Variants in POLD1 observed in about 807,000 individuals in gnomAD.
POLD1 encodes the protein DNA polymerase delta catalytic subunit.
Under a neutral mutation model 129.7 loss-of-function variants are expected in POLD1, and 79 were observed. The ratio of observed to expected loss-of-function variants is 0.61; its 90% CI spans 0.51 to 0.73. The LOEUF (loss-of-function observed/expected upper bound fraction) is 0.73, where lower values mean the gene tolerates loss of function less well. Ranked by LOEUF, POLD1 falls within the 30% of genes least tolerant of loss-of-function variation. The pLI, the probability that POLD1 is intolerant of heterozygous loss-of-function variation, is 0.00. For missense variants in POLD1, 1,338 were observed against 1,595.8 expected, an observed-to-expected ratio of 0.84 and a Z score of 2.75; for synonymous variants, 714 against 683.3, an observed-to-expected ratio of 1.04 and a Z score of -0.70.
rs20582 is a variant in POLD1, at chr19:50,401,785, G to A, written c.324G>A (p.Ala108=). The change falls in exon 4 of 27, where the codon GCG becomes GCA. Residue 108 remains alanine (A), a synonymous_variant. Coordinates refer to ENST00000440232, the MANE Select transcript of POLD1 (RefSeq NM_002691.4). The part of the protein sequence containing the change: ...QLEIDHYVGP[A]QPVPGGPPPS... ...TACCCTGTGACCCCACAGGCCCAGC[G>A]CAGCCTGTGCCTGGGGGGCCCCCAC... 0.092 allele frequency: 148,031 copies of A among 1,611,890 alleles called. 9,638 individuals are homozygous for A. Among genetic ancestry groups the A allele is most frequent in the African/African-American group, 0.29 (21,947 of 74,926 alleles).
In POLD1 at chr19:50,417,069, C is replaced by G; in HGVS notation, c.3092C>G (p.Pro1031Arg). Residue 1031 changes from proline (P) to arginine (R), a missense_variant, in exon 25 of 27, where the codon CCC (proline) becomes CGC (arginine). Pro to Arg is a moderately radical substitution (Grantham distance 103, BLOSUM62 -2). Around this residue, in one of 3 missense-constraint regions of POLD1, gnomAD observed 286 missense variants for 277.5 expected, o/e 1.03. Coordinates refer to ENST00000440232, the MANE Select transcript of POLD1 (RefSeq NM_002691.4). The stretch of plus-strand genomic sequence containing the variant: ...GGAGCCGTGTGTGAGTTCTGCCAGC[C>G]CCGGGAGTCTGAGCTGTATCAGAAG... ...HQGAVCEFCQ[P>R]RESELYQKEV... 6.4e-7 allele frequency: 1 copy of G among 1,553,528 alleles called. No homozygotes were observed. The highest frequency in any genetic ancestry group is 1.2e-5 in the South Asian group (1 of 84,372).
At chr19:50,399,592 G>C in intron 3 of POLD1, 108 bp downstream of exon 3, 1 of 777,722 alleles carries the variant, frequency 1.3e-6, no homozygotes, top group South Asian at 1.5e-5. Flanking sequence ...GGCCGGGCCA[G>C]GTCAGCCCCT....
In POLD1 at chr19:50,402,475, C is replaced by G. The variant is rs762155346; in HGVS notation, c.780C>G (p.Ile260Met). ...CCAGGTTCATGGTGGACACGGACAT[C>G]GTCGGCTGCAACTGGCTGGAGCTCC... ...FEIRFMVDTD[I>M]VGCNWLELPA... Residue 260 changes from isoleucine to methionine, a missense_variant, in exon 7 of 27, where the codon ATC becomes ATG. By Grantham distance (10) the Ile-to-Met change is conservative. This residue lies in a region of POLD1 where 720 missense variants were observed against 1,002.6 expected (regional missense o/e 0.72). Coordinates refer to ENST00000440232, the MANE Select transcript of POLD1 (RefSeq NM_002691.4). 5.6e-6 allele frequency: 9 copies of G among 1,612,312 alleles called. No homozygotes were observed. The highest frequency in any genetic ancestry group is 6.8e-6 in the Non-Finnish European group (8 of 1,179,370).
At chr19:50,414,435 G>C (rs903125889) in intron 19 of POLD1, among the ~76,000 whole-genome samples, 1 of 152,210 alleles carries the variant, frequency 6.6e-6, no homozygotes, top group African/African-American at 2.4e-5. Flanking sequence ...ACGCTCTCTC[G>C]TGCCAGGCCT....
intron 17 of POLD1, among the ~76,000 whole-genome samples, chr19:50,410,615 G>GCA (rs3219413): frequency 0.046 from 7,026 of 152,204 alleles, 519 homozygotes; most frequent in African/African-American, 0.15. Flanking sequence ...AGAAAGAGGT[G>GCA]CACAGGGCAG....
In POLD1 at chr19:50,406,102, T is replaced by C; in HGVS notation, c.1243-80T>C. The C allele has an allele frequency of 1.3e-6, 2 of 1,524,428 alleles. No homozygotes were observed. The highest frequency in any genetic ancestry group is 9.0e-7 in the Non-Finnish European group (1 of 1,116,768). 94.4% of individuals were successfully genotyped at this position (1,524,428 alleles called of 1,614,324 possible). A position where few individuals can be genotyped will look rare whatever the true frequency, so the allele number is the denominator to read the frequency against. On this transcript the variant is annotated intron_variant, in intron 10 of 26. Transcript: ENST00000440232. The surrounding 1 kb of genome is among the most constrained non-coding windows in gnomAD (Gnocchi z 5.5). ...CCCTAGGGTTGTTATAAGGATGTTG[T>C]GGTTGGTCTCAATCTCCGTTCTTCA...
chr19:50,413,248 GA>G (rs1393665739), intron 17 of POLD1, among the ~76,000 whole-genome samples, 177 bp from the exon 18 acceptor site: 2 of 152,186 alleles, frequency 1.3e-5, no homozygotes, highest in Admixed American at 6.5e-5. Flanking sequence ...GACCATTGAG[GA>G]GCCGCCTTAT....
chr19:50,391,390 C>A (rs543615597), intron 1 of POLD1, among the ~76,000 whole-genome samples: 8 of 152,184 alleles, frequency 5.3e-5, no homozygotes, highest in Non-Finnish European at 1.2e-4. Context: ...CACGCCACTG[C>A]ACTCCAGCCT....
intron 22 of POLD1, chr19:50,416,109 C>A: frequency 1.7e-6 from 1 of 582,436 alleles, no homozygotes; most frequent in Non-Finnish European, 3.0e-6. Flanking sequence ...AGCTCTACCC[C>A]CACCCCCAGT....
intron 1 of POLD1, among the ~76,000 whole-genome samples, chr19:50,384,760 T>G (rs2037912187): frequency 6.6e-6 from 1 of 152,172 alleles, no homozygotes; most frequent in Non-Finnish European, 1.5e-5. Context: ...GTCAGAGAAG[T>G]CCCTGTCTCG....
In POLD1 at chr19:50,418,006, C is replaced by A; in HGVS notation, c.*59C>A. ...CAGGGAGAATTAATAAAGTTCTGGA[C>A]TTTTGCTATATGGTGCTTTGTGGTC... On this transcript the variant is annotated 3_prime_UTR_variant, in exon 27 of 27. Coordinates refer to ENST00000440232, the MANE Select transcript of POLD1 (RefSeq NM_002691.4). The surrounding 1 kb of genome is among the most constrained non-coding windows in gnomAD (Gnocchi z 6.0). The A allele has an allele frequency of 9.2e-7, 1 of 1,091,248 alleles. No homozygotes were observed. Among genetic ancestry groups the A allele is most frequent in the Non-Finnish European group, 1.4e-6 (1 of 726,028 alleles). 67.6% of individuals were successfully genotyped at this position (1,091,248 alleles called of 1,614,324 possible).
At position 50,401,355 on chromosome 19, in the gene POLD1, T is replaced by TG. The variant is rs1568617748; in HGVS notation, c.317-423_317-422insG. Among the ~76,000 whole-genome samples the TG allele has an allele frequency of 8.5e-3, 1,035 of 121,486 alleles. 4 individuals carry two copies. Among genetic ancestry groups the TG allele is most frequent in the African/African-American group, 0.02 (557 of 28,428 alleles). The allele number at this position is 121,486 out of a possible 152,430, so 79.7% of individuals were successfully genotyped here. A position where few individuals can be genotyped will look rare whatever the true frequency, so the allele number is the denominator to read the frequency against. ...TTGTACATATAATATGTGTGTGTAT[T>TG]TGTGTATATGTGTATATATATATAT... On this transcript the variant is annotated intron_variant, in intron 3 of 26. Transcript: ENST00000440232.
chr19:50,406,129 G>A lies in POLD1; in HGVS notation c.1243-53G>A, dbSNP rs2122314044. On this transcript the variant is annotated intron_variant, in intron 10 of 26. Coordinates refer to ENST00000440232, the MANE Select transcript of POLD1 (RefSeq NM_002691.4). This position sits in a 1 kb window ranked among gnomAD's most constrained non-coding sequence, Gnocchi z 5.5. ...GTTGGTCTCAATCTCCGTTCTTCAG[G>A]CTTATGTGACGGGGACCCGCAGCCT... The A allele has an allele frequency of 1.9e-6, 3 of 1,587,112 alleles. No individual in the cohort carries two copies. The highest frequency in any genetic ancestry group is 2.6e-6 in the Non-Finnish European group (3 of 1,162,526).
chr19:50,396,899 C>G (rs2122173099), intron 1 of POLD1, among the ~76,000 whole-genome samples: 1 of 149,062 alleles, frequency 6.7e-6, no homozygotes, highest in East Asian at 2.0e-4. Flanking sequence ...AGTTCAAGAC[C>G]AGGATGGCCA....
At chr19:50,415,674 C>T (rs1158859175) in intron 21 of POLD1, 50 bp from the exon 22 acceptor site, 40 of 1,440,406 alleles carry the variant, frequency 2.8e-5, no homozygotes, top group Non-Finnish European at 3.4e-5. Flanking sequence ...CTCGCCCCCA[C>T]CCCCGCCACC....
At position 50,398,886 on chromosome 19, in the gene POLD1, G is replaced by T; in HGVS notation, c.35G>T (p.Gly12Val). 2 of 1,607,432 alleles carry T rather than the reference G, an allele frequency of 1.2e-6. No individual in the cohort carries two copies. Among genetic ancestry groups the T allele is most frequent in the Non-Finnish European group, 1.7e-6 (2 of 1,178,310 alleles). ...DGKRRPGPGP[G>V]VPPKRARGGL... ...AAGCGGCGGCCAGGCCCAGGGCCCG[G>T]GGTGCCCCCAAAGCGGGCCCGTGGG... Residue 12 changes from glycine to valine, a missense_variant, in exon 2 of 27, where the codon GGG becomes GTG. Gly to Val is a moderately radical substitution (Grantham distance 109). Around this residue, in one of 3 missense-constraint regions of POLD1, gnomAD observed 332 missense variants for 315.7 expected, o/e 1.05. Coordinates refer to ENST00000440232, the MANE Select transcript of POLD1 (RefSeq NM_002691.4).
At chr19:50,390,619 T>G (rs1400930942) in intron 1 of POLD1, among the ~76,000 whole-genome samples, 2 of 151,150 alleles carry the variant, frequency 1.3e-5, no homozygotes, top group African/African-American at 4.9e-5. Context: ...GGGTGTTTCT[T>G]GGAGAGGGGG....
chr19:50,395,378 G>A (rs897707394), intron 1 of POLD1, among the ~76,000 whole-genome samples: 13 of 151,792 alleles, frequency 8.6e-5, no homozygotes, highest in African/African-American at 1.9e-4. Flanking sequence ...GGCGGATCAC[G>A]AGGTCAGGAG....
chr19:50,414,592 T>G (rs2122461086), intron 19 of POLD1, among the ~76,000 whole-genome samples: 1 of 152,344 alleles, frequency 6.6e-6, no homozygotes, highest in Non-Finnish European at 1.5e-5. Context: ...CAGTCTCTGT[T>G]TCAGATTGGG....
Sources: allele counts gnomAD v4.1 joint callset (sites outside exome capture counted in the v4.1 genomes callset), GRCh38; gene constraint gnomAD v4.1.1; regional missense constraint gnomAD v4.1.1; non-coding constraint Gnocchi (gnomAD v3.1); transcripts MANE v1.5; gene names NCBI Gene and HGNC (gene_info 2026-07-23, HGNC 2026-07-21).